MITD1: variants seen among roughly 807,000 people sequenced by gnomAD.
MITD1 encodes the protein microtubule interacting and trafficking domain containing 1.
A neutral mutation model predicts 34.9 loss-of-function variants in MITD1; 24 were observed. That is an observed-to-expected ratio of 0.69 (90% CI 0.50 to 0.97). MITD1 has a LOEUF of 0.97. Among genes scored for constraint, MITD1 ranks in the 50% least tolerant of loss-of-function variants. MITD1 has a pLI of 0.00. For synonymous variants in MITD1, 102 were observed against 101.4 expected (o/e 1.01, Z -0.04); for missense variants, 266 against 294.6 (o/e 0.90, Z 0.71).
At chr2:99,176,724 GT>G (rs948268086) in intron 1 of MITD1, among the ~76,000 whole-genome samples, 1 of 152,126 alleles carries the variant, frequency 6.6e-6, no homozygotes, top group African/African-American at 2.4e-5. Flanking sequence ...TGTCGTTAGT[GT>G]TAGTGTATTT....
intron 7 of MITD1, chr2:99,163,130 T>C (rs1377512592): frequency 7.9e-7 from 1 of 1,271,010 alleles, no homozygotes; most frequent in Admixed American, 2.7e-5. Context: ...AAATGTCTCA[T>C]ACTTGCACAT....
intron 7 of MITD1, chr2:99,163,178 T>TAA (rs1491433108): frequency 2.6e-4 from 132 of 501,238 alleles, no homozygotes; most frequent in East Asian, 6.6e-4. Context: ...TTTAGTAACG[T>TAA]CAAAAAAAAA....
At chr2:99,180,208 C>G (rs2093909482) in intron 1 of MITD1, among the ~76,000 whole-genome samples, 1 of 152,188 alleles carries the variant, frequency 6.6e-6, no homozygotes, top group African/African-American at 2.4e-5. Context: ...TCTTCTTCTA[C>G]CGCTACATAA....
downstream of MITD1, among the ~76,000 whole-genome samples, chr2:99,168,182 C>G (rs1024676039): frequency 6.6e-6 from 1 of 152,118 alleles, no homozygotes; most frequent in African/African-American, 2.4e-5. Flanking sequence ...ACTCTTGTTG[C>G]CCAGGCTGGA....
intron 1 of MITD1, among the ~76,000 whole-genome samples, chr2:99,177,245 TCA>T (rs1185416586): frequency 1.3e-5 from 2 of 152,142 alleles, no homozygotes; most frequent in Non-Finnish European, 2.9e-5. Context: ...GACCCATCCT[TCA>T]ATCATTACGC....
At chr2:99,178,506 C>T (rs1486562805) in intron 1 of MITD1, among the ~76,000 whole-genome samples, 1 of 152,014 alleles carries the variant, frequency 6.6e-6, no homozygotes, top group Non-Finnish European at 1.5e-5. Context: ...AGGAAGAGAA[C>T]AATAAAAATA....
At chr2:99,179,036 C>T (rs1314097317) in intron 1 of MITD1, among the ~76,000 whole-genome samples, 2 of 152,216 alleles carry the variant, frequency 1.3e-5, no homozygotes, top group Non-Finnish European at 2.9e-5. Context: ...CTCACATGAC[C>T]TTTAACTGTT....
At chr2:99,170,456 A>T in intron 5 of MITD1, 81 bp downstream of exon 5, 1 of 380,218 alleles carries the variant, frequency 2.6e-6, no homozygotes. Context: ...TTAAATATTT[A>T]TAGGCAATTA....
At chr2:99,178,439 A>C (rs1401879753) in intron 1 of MITD1, 2 of 152,236 alleles carry the variant, frequency 1.3e-5, no homozygotes, top group Non-Finnish European at 2.9e-5. Flanking sequence ...CACTGTTCTA[A>C]GTGCTGTGGA....
intron 5 of MITD1, among the ~76,000 whole-genome samples, chr2:99,169,882 G>A (rs1427174204): frequency 1.3e-5 from 2 of 152,154 alleles, no homozygotes; most frequent in Non-Finnish European, 2.9e-5. Flanking sequence ...ACAAGTGGTG[G>A]CAAAGTGTAT....
intron 1 of MITD1, among the ~76,000 whole-genome samples, chr2:99,177,151 T>C (rs935966930): frequency 2.6e-4 from 40 of 152,216 alleles, no homozygotes; most frequent in African/African-American, 9.2e-4. Context: ...AACACAACCT[T>C]TCCTCAACCT....
downstream of MITD1, among the ~76,000 whole-genome samples, chr2:99,164,365 C>G (rs2093816615): frequency 6.6e-6 from 1 of 152,082 alleles, no homozygotes; most frequent in Non-Finnish European, 1.5e-5. Flanking sequence ...TACCCTCACC[C>G]AGGCTGGAGT....
chr2:99,169,274 A>G lies in MITD1; in HGVS notation c.*101T>C, dbSNP rs1044982587. ...GATGGATCCATAAATTAGTAGAAAT[A>G]TAAAAGTTTATTGTTAAATTCATAC... is the stretch of plus-strand genomic sequence containing the variant. On this transcript the variant is annotated 3_prime_UTR_variant, in exon 7 of 7. Coordinates refer to ENST00000289359, the MANE Select transcript of MITD1 (RefSeq NM_138798.3). The G allele has an allele frequency of 3.3e-6, 2 of 606,176 alleles. No homozygotes were observed. The highest frequency in any genetic ancestry group is 3.4e-5 in the Admixed American group (1 of 29,756). The allele number at this position is 606,176 out of a possible 1,614,324, so 37.5% of individuals were successfully genotyped here.
intron 7 of MITD1, chr2:99,163,196 A>AC (rs2093811041): frequency 1.5e-6 from 1 of 645,562 alleles, no homozygotes. Context: ...AAAAAACAAA[A>AC]CACAACAACC....
Position 99,173,952 on chromosome 2 carries a change from C to A in MITD1, c.216G>T (p.Ala72=). The change falls in exon 2 of 7, where the codon GCG becomes GCT. Residue 72 remains alanine, a synonymous_variant. Transcript: ENST00000289359. The part of the protein sequence containing the change: ...REKISKYMDR[A]ENIKKYLDQE... ...GGTCCAAGTACTTCTTTATGTTTTC[C>A]GCTCTGTCCATGTATTTGGAAATTT... 6.2e-7 allele frequency: 1 copy of A among 1,609,804 alleles called. No individual in the cohort carries two copies. Among genetic ancestry groups the A allele is most frequent in the Non-Finnish European group, 8.5e-7 (1 of 1,176,676 alleles).
chr2:99,174,735 C>T (rs896895762), intron 1 of MITD1, among the ~76,000 whole-genome samples: 3 of 152,156 alleles, frequency 2.0e-5, no homozygotes, highest in Non-Finnish European at 4.4e-5. Flanking sequence ...GGACTACAGG[C>T]GCCCACCACT....
At position 99,173,785 on chromosome 2, in the gene MITD1, T is replaced by G. The variant is rs556329761; in HGVS notation, c.253+130A>C. On this transcript the variant is annotated intron_variant, in intron 2 of 6. Coordinates refer to ENST00000289359, the MANE Select transcript of MITD1 (RefSeq NM_138798.3). ...CCTGTATGGGAGTGGAAATACAGATTAAATCCTGTAAGCTCCCAGGGACAA... is the reference window on the plus strand; with the variant it reads ...CCTGTATGGGAGTGGAAATACAGATGAAATCCTGTAAGCTCCCAGGGACAA... The G allele has an allele frequency of 3.5e-5, 24 of 681,172 alleles. No homozygotes were observed. The South Asian group carries it at 3.9e-4, about 11-fold the overall frequency. The allele number at this position is 681,172 out of a possible 1,614,324, so 42.2% of individuals were successfully genotyped here. A position where few individuals can be genotyped will look rare whatever the true frequency, so the allele number is the denominator to read the frequency against.
At chr2:99,180,688 G>T (rs2093913241) in intron 1 of MITD1, 143 bp downstream of exon 1, 4 of 728,436 alleles carry the variant, frequency 5.5e-6, no homozygotes, top group Non-Finnish European at 9.5e-6. Context: ...CGGCCCAGTT[G>T]TCCTATAGAA....
chr2:99,166,795 A>G (rs1451732662), downstream of MITD1, among the ~76,000 whole-genome samples: 2 of 147,214 alleles, frequency 1.4e-5, no homozygotes, highest in African/African-American at 2.5e-5. Flanking sequence ...TACATGACCA[A>G]GTCTTTTGCT....
Sources: gnomAD v4.1 joint callset for allele counts (sites outside exome capture counted in the v4.1 genomes callset) on GRCh38, gnomAD v4.1.1 for gene constraint, MANE v1.5 for transcripts, NCBI Gene and HGNC (gene_info 2026-07-23, HGNC 2026-07-21) for gene names.